GRIA1: variants seen among roughly 807,000 people sequenced by gnomAD.
GRIA1 encodes the protein glutamate receptor 1.
In GRIA1, 31 loss-of-function variants were observed where a neutral mutation model predicts 99.2. The observed-to-expected ratio is 0.31, with a 90% CI of 0.23 to 0.42. GRIA1 has a LOEUF of 0.42. Among genes scored for constraint, GRIA1 ranks in the 10% least tolerant of loss-of-function variants. GRIA1 has a pLI of 1.00. For synonymous variants in GRIA1, 438 were observed against 432.4 expected (o/e 1.01, Z -0.16); for missense variants, 782 against 1,157.5 (o/e 0.68, Z 4.71).
chr5:153,664,248 A>G (rs938257344), intron 5 of GRIA1, among the ~76,000 whole-genome samples: 7 of 152,232 alleles, frequency 4.6e-5, no homozygotes, highest in Non-Finnish European at 1.0e-4. Flanking sequence ...CTGACAGGTA[A>G]CATAGTTAAT....
At chr5:153,707,526 T>C (rs761429527) in intron 11 of GRIA1, among the ~76,000 whole-genome samples, 2 of 152,202 alleles carry the variant, frequency 1.3e-5, no homozygotes, top group African/African-American at 2.4e-5. Flanking sequence ...GGCACTCTCT[T>C]AGATTACCAA....
chr5:153,751,289 G>A (rs1433497095), intron 11 of GRIA1, among the ~76,000 whole-genome samples: 1 of 152,210 alleles, frequency 6.6e-6, no homozygotes. Context: ...AACAAATAAT[G>A]GCAATAGGTT....
chr5:153,746,187 G>A (rs72643423), intron 11 of GRIA1, among the ~76,000 whole-genome samples: 1 of 56,754 alleles, frequency 1.8e-5, no homozygotes, highest in African/African-American at 8.0e-5. Flanking sequence ...TCCCTTTGAA[G>A]AATTGGCTGG....
rs1286433745 is a variant in GRIA1, at chr5:153,812,068, G to A, written c.*843G>A. The A allele has an allele frequency of 2.0e-5, 3 of 152,178 alleles. No homozygotes were observed. Among genetic ancestry groups the A allele is most frequent in the Non-Finnish European group, 4.4e-5 (3 of 68,070 alleles). The allele number at this position is 152,178 out of a possible 1,614,324, so 9.4% of individuals were successfully genotyped here. A position where few individuals can be genotyped will look rare whatever the true frequency, so the allele number is the denominator to read the frequency against. On this transcript the variant is annotated 3_prime_UTR_variant, in exon 16 of 16. Transcript: ENST00000285900. ...TTTCTTCAGAGTCAACCTTGGCCCT[G>A]AGAAGTATGTCCTCCTGGTGTGCTC... is the stretch of plus-strand genomic sequence containing the variant.
At chr5:153,631,536 G>A (rs1011943504) in intron 2 of GRIA1, among the ~76,000 whole-genome samples, 9 of 152,158 alleles carry the variant, frequency 5.9e-5, no homozygotes, top group African/African-American at 2.2e-4. Context: ...AAGGCTATCG[G>A]ATGAATCACT....
At chr5:153,547,820 A>T (rs1461514774) in intron 2 of GRIA1, among the ~76,000 whole-genome samples, 1 of 152,156 alleles carries the variant, frequency 6.6e-6, no homozygotes, top group Non-Finnish European at 1.5e-5. Flanking sequence ...CCATCCAAAG[A>T]GTGAATCCAC....
chr5:153,671,086 A>G (rs1331914824), intron 5 of GRIA1, among the ~76,000 whole-genome samples: 1 of 151,970 alleles, frequency 6.6e-6, no homozygotes, highest in Non-Finnish European at 1.5e-5. Context: ...ATTTTTTCTT[A>G]GGAGGGGATG....
At chr5:153,619,265 ACT>A (rs765883895) in intron 2 of GRIA1, among the ~76,000 whole-genome samples, 2 of 152,212 alleles carry the variant, frequency 1.3e-5, no homozygotes, top group African/African-American at 2.4e-5. Context: ...CAAAATGGAC[ACT>A]GAGTCCTGAG....
intron 10 of GRIA1, among the ~76,000 whole-genome samples, chr5:153,704,791 C>T (rs1221906700): frequency 1.3e-5 from 2 of 152,116 alleles, no homozygotes; most frequent in Non-Finnish European, 2.9e-5. Context: ...AGAATGAATC[C>T]CTCCCTGGTC....
At chr5:153,736,833 ATC>A (rs1056467463) in intron 11 of GRIA1, among the ~76,000 whole-genome samples, 1 of 152,096 alleles carries the variant, frequency 6.6e-6, no homozygotes, top group Admixed American at 6.6e-5. Context: ...ATCAAACTCC[ATC>A]TCTCCTTCCA....
At chr5:153,572,741 G>A (rs893809737) in intron 2 of GRIA1, among the ~76,000 whole-genome samples, 4 of 152,272 alleles carry the variant, frequency 2.6e-5, no homozygotes, top group East Asian at 1.9e-4. Flanking sequence ...CTCAGGGGAC[G>A]ACTACGCGGT....
At chr5:153,512,933 T>TA (rs1156802480) in intron 2 of GRIA1, among the ~76,000 whole-genome samples, 1 of 152,186 alleles carries the variant, frequency 6.6e-6, no homozygotes, top group African/African-American at 2.4e-5. Context: ...GACACCAGAA[T>TA]ACTTGCTCTT....
chr5:153,491,030 G>T (rs539516010), intron 1 of GRIA1, 60 bp downstream of exon 1: 2 of 1,486,870 alleles, frequency 1.3e-6, no homozygotes, highest in Non-Finnish European at 1.9e-6. Context: ...TTTTTTTGGG[G>T]ATAGGGGTTG....
chr5:153,755,216 G>T (rs925766183), intron 11 of GRIA1, among the ~76,000 whole-genome samples: 1 of 152,160 alleles, frequency 6.6e-6, no homozygotes, highest in Non-Finnish European at 1.5e-5. Flanking sequence ...AAAAGCTTTG[G>T]TGAGTTTTAA....
intron 11 of GRIA1, among the ~76,000 whole-genome samples, chr5:153,719,061 G>A (rs1404993669): frequency 6.6e-6 from 1 of 152,014 alleles, no homozygotes; most frequent in East Asian, 1.9e-4. Flanking sequence ...TGAGCACCTG[G>A]TTTTGTTTCT....
At chr5:153,627,782 T>C (rs1436272916) in intron 2 of GRIA1, among the ~76,000 whole-genome samples, 1 of 152,094 alleles carries the variant, frequency 6.6e-6, no homozygotes, top group Non-Finnish European at 1.5e-5. Context: ...ACTCTGACCA[T>C]GGAAAGCATA....
At chr5:153,809,699 CT>C (rs1279474707) in intron 15 of GRIA1, among the ~76,000 whole-genome samples, 1 of 152,218 alleles carries the variant, frequency 6.6e-6, no homozygotes, top group Non-Finnish European at 1.5e-5. Flanking sequence ...TGTGGGATAG[CT>C]GAGGATTGAG....
intron 6 of GRIA1, among the ~76,000 whole-genome samples, chr5:153,676,145 C>G (rs1756565214): frequency 6.6e-6 from 1 of 152,178 alleles, no homozygotes; most frequent in African/African-American, 2.4e-5. Context: ...GCGTGAGCCA[C>G]TGCGCCCGGC....
At chr5:153,590,932 G>A (rs934077842) in intron 2 of GRIA1, among the ~76,000 whole-genome samples, 4 of 152,162 alleles carry the variant, frequency 2.6e-5, no homozygotes, top group Admixed American at 2.6e-4. Flanking sequence ...AATGGTCTAA[G>A]CATTGCCCCT....
Sources: allele counts gnomAD v4.1 joint callset (sites outside exome capture counted in the v4.1 genomes callset), GRCh38; gene constraint gnomAD v4.1.1; transcripts MANE v1.5; gene names NCBI Gene and HGNC (gene_info 2026-07-23, HGNC 2026-07-21).